SFMBT2: variants seen among roughly 807,000 people sequenced by gnomAD.
SFMBT2 encodes the protein scm-like with four MBT domains protein 2.
A neutral mutation model predicts 110.1 loss-of-function variants in SFMBT2; 38 were observed. The ratio of observed to expected loss-of-function variants is 0.35; its 90% CI spans 0.27 to 0.45. The LOEUF is 0.45. Among genes scored for constraint, SFMBT2 ranks in the 20% least tolerant of loss-of-function variants. The pLI is 1.00. For synonymous variants in SFMBT2, 425 were observed against 425.4 expected (o/e 1.00, Z 0.01); for missense variants, 1,011 against 1,094.9 (o/e 0.92, Z 1.08).
intron 7 of SFMBT2, among the ~76,000 whole-genome samples, chr10:7,264,456 T>C (rs1237762867): frequency 6.6e-6 from 1 of 152,234 alleles, no homozygotes; most frequent in Non-Finnish European, 1.5e-5. Context: ...ACATTTGCTC[T>C]GTTCTGAGTC....
rs1372416840 is a variant in SFMBT2, at chr10:7,410,962, T to TCGGG, written c.-154_-153insCCCG. ...TGCTCGCTCGCCCGCCCTTGCCCGC[T>TCGGG]CGCTCCCCGCCCGCCGCCTCCCTCG... On this transcript the variant is annotated 5_prime_UTR_variant, in exon 1 of 21. It introduces an in-frame stop codon into an upstream open reading frame of the 5' UTR. Transcript: ENST00000397167. Among the ~76,000 whole-genome samples, 4 of 149,136 alleles carry TCGGG rather than the reference T, an allele frequency of 2.7e-5. No homozygotes were observed. Among genetic ancestry groups the TCGGG allele is most frequent in the African/African-American group, 1.0e-4 (4 of 40,114 alleles).
At chr10:7,227,223 T>C (rs1165425303) in intron 10 of SFMBT2, among the ~76,000 whole-genome samples, 1 of 152,218 alleles carries the variant, frequency 6.6e-6, no homozygotes, top group African/African-American at 2.4e-5. Flanking sequence ...GACAGCATTT[T>C]AAGACTAGGC....
At chr10:7,409,765 A>T (rs2132140716) in intron 1 of SFMBT2, among the ~76,000 whole-genome samples, 1 of 151,604 alleles carries the variant, frequency 6.6e-6, no homozygotes, top group South Asian at 2.1e-4. Flanking sequence ...GTTTTTTCCC[A>T]CCTCAAAACC....
chr10:7,290,120 G>C (rs1489986734), intron 4 of SFMBT2, among the ~76,000 whole-genome samples: 1 of 152,056 alleles, frequency 6.6e-6, no homozygotes, highest in East Asian at 1.9e-4. Flanking sequence ...CGGCATCAAA[G>C]ATGAACGCTA....
In SFMBT2 at chr10:7,158,924, A is replaced by C. The variant is rs1837480523; in HGVS notation, c.*4846T>G. The C allele has an allele frequency of 6.6e-6, 1 of 152,216 alleles. No homozygotes were observed. The highest frequency in any genetic ancestry group is 2.4e-5 in the African/African-American group (1 of 41,456). 9.4% of individuals were successfully genotyped at this position (152,216 alleles called of 1,614,324 possible). On this transcript the variant is annotated 3_prime_UTR_variant, in exon 21 of 21. Transcript: ENST00000397167. ...AATGCAAAACAGTGAAAGAGCTTTC[A>C]ACAATCACGACGAGGGATAGTTGAT...
At chr10:7,268,060 A>T (rs1397184954) in intron 7 of SFMBT2, among the ~76,000 whole-genome samples, 1 of 152,230 alleles carries the variant, frequency 6.6e-6, no homozygotes, top group South Asian at 2.1e-4. Context: ...AACACGTAGG[A>T]TCTCAGATAT....
rs374951406 is a variant in SFMBT2 at position 7,399,198 on chromosome 10, A to G, written c.-52+11663T>C. Among the ~76,000 whole-genome samples the G allele has an allele frequency of 3.2e-4, 48 of 152,210 alleles. No individual in the cohort carries two copies. The East Asian group carries it at 6.7e-3, about 21-fold the overall frequency. ...CTGGAGATTCCTACAACTGGAGTGC[A>G]TAGATATCTCCTATCCACCAAGTTT... On this transcript the variant is annotated intron_variant, in intron 1 of 20. Coordinates refer to ENST00000397167, the MANE Select transcript of SFMBT2 (RefSeq NM_001387889.1).
At chr10:7,338,503 T>C (rs1342087206) in intron 4 of SFMBT2, among the ~76,000 whole-genome samples, 1 of 152,168 alleles carries the variant, frequency 6.6e-6, no homozygotes, top group Non-Finnish European at 1.5e-5. Flanking sequence ...GAAAAGAAAA[T>C]GCTATTAAGA....
intron 3 of SFMBT2, chr10:7,368,252 G>A: frequency 2.8e-6 from 2 of 726,670 alleles, no homozygotes; most frequent in Non-Finnish European, 1.7e-6. Context: ...TACACTCAGA[G>A]CACATCTGAA....
rs536206382 is a variant in SFMBT2 at position 7,250,036 on chromosome 10, T to C, written c.871-1387A>G. Among the ~76,000 whole-genome samples the C allele has an allele frequency of 6.6e-5, 10 of 152,278 alleles. No individual in the cohort carries two copies. In the East Asian group the frequency reaches 1.3e-3, roughly 21 times the overall value. ...ACTTACAATCCACACTTTATAAAAA[T>C]TATATGCAGAAGGAAAAGTACAAGG... On this transcript the variant is annotated intron_variant, in intron 7 of 20. Coordinates refer to ENST00000397167, the MANE Select transcript of SFMBT2 (RefSeq NM_001387889.1).
Position 7,351,870 on chromosome 10 carries a change from T to TAA in SFMBT2, c.436+15777_436+15778dup, listed in dbSNP as rs796965811. On this transcript the variant is annotated intron_variant, in intron 4 of 20. Transcript: ENST00000397167. Reference sequence around the variant, plus strand: ...AAGGCCTATTAAAGCCTCTTACCTGTAAAAAAAAAAATATATATATATATA... The same window carrying TAA: ...AAGGCCTATTAAAGCCTCTTACCTGTAAAAAAAAAAAAATATATATATATATA... 2.8e-5 allele frequency among the ~76,000 whole-genome samples: 4 copies of TAA among 142,714 alleles called. No individual in the cohort carries two copies. In the South Asian group the frequency reaches 6.6e-4, roughly 23 times the overall value. The allele number at this position is 142,714 out of a possible 152,430, so 93.6% of individuals were successfully genotyped here.
At chr10:7,370,446 G>C in intron 2 of SFMBT2, 71 bp from the exon 3 acceptor site, 1 of 1,275,912 alleles carries the variant, frequency 7.8e-7, no homozygotes, top group Non-Finnish European at 1.1e-6. Context: ...CTGCAACTGA[G>C]ACCAGAAAAT....
intron 20 of SFMBT2, 150 bp from the exon 21 acceptor site, chr10:7,164,060 C>A (rs757284662): frequency 1.5e-6 from 2 of 1,375,198 alleles, no homozygotes; most frequent in East Asian, 2.8e-5. Flanking sequence ...GATACCAGCC[C>A]GGCTTGATGA....
At chr10:7,313,420 C>G (rs886395862) in intron 4 of SFMBT2, among the ~76,000 whole-genome samples, 5 of 152,134 alleles carry the variant, frequency 3.3e-5, no homozygotes, top group African/African-American at 1.2e-4. Context: ...TAGGCTCAAG[C>G]AATCTGCCCA....
chr10:7,334,267 G>A (rs1033193869), intron 4 of SFMBT2, among the ~76,000 whole-genome samples: 4 of 152,080 alleles, frequency 2.6e-5, no homozygotes, highest in African/African-American at 7.2e-5. Context: ...TGCAGCCTCC[G>A]AGAGGCCACC....
intron 4 of SFMBT2, among the ~76,000 whole-genome samples, chr10:7,340,788 C>G (rs1249560491): frequency 6.9e-6 from 1 of 145,030 alleles, no homozygotes; most frequent in African/African-American, 2.6e-5. Flanking sequence ...CCAACCAGTG[C>G]GAGGTCCCAG....
At chr10:7,182,933 C>T (rs1838286273) in intron 16 of SFMBT2, among the ~76,000 whole-genome samples, 1 of 151,814 alleles carries the variant, frequency 6.6e-6, no homozygotes, top group African/African-American at 2.4e-5. Context: ...TTTCTACTGA[C>T]ACTGTGAGAC....
At chr10:7,226,971 A>G (rs910846507) in intron 10 of SFMBT2, among the ~76,000 whole-genome samples, 2 of 152,208 alleles carry the variant, frequency 1.3e-5, no homozygotes, top group Non-Finnish European at 2.9e-5. Context: ...TTCTCAGAAC[A>G]TAACCCCATC....
chr10:7,222,151 G>C (rs144154360), intron 10 of SFMBT2, among the ~76,000 whole-genome samples: 2 of 152,300 alleles, frequency 1.3e-5, no homozygotes, highest in Non-Finnish European at 2.9e-5. Context: ...AATACACTGA[G>C]ATTCATCCAT....
Sources: gnomAD v4.1 joint callset for allele counts (sites outside exome capture counted in the v4.1 genomes callset) on GRCh38, gnomAD v4.1.1 for gene constraint, MANE v1.5 for transcripts, NCBI Gene and HGNC (gene_info 2026-07-23, HGNC 2026-07-21) for gene names.